Variants in EXOC2 observed in about 807,000 individuals in gnomAD.
The protein encoded by EXOC2 is exocyst complex component 2.
Under a neutral mutation model 131.8 loss-of-function variants are expected in EXOC2, and 70 were observed. The observed-to-expected ratio is 0.53, with a 90% CI of 0.44 to 0.65. The LOEUF is 0.65. Ranked by LOEUF, EXOC2 falls within the 30% of genes least tolerant of loss-of-function variation. The pLI, the probability that EXOC2 is intolerant of heterozygous loss-of-function variation, is 0.00. For synonymous variants in EXOC2, 411 were observed against 398.4 expected (o/e 1.03, Z -0.38); for missense variants, 923 against 1,108.6 (o/e 0.83, Z 2.38).
Position 538,572 on chromosome 6 carries a change from G to A in EXOC2, c.2239-5962C>T, listed in dbSNP as rs115378533. On this transcript the variant is annotated intron_variant, in intron 22 of 27. Coordinates refer to ENST00000230449, the MANE Select transcript of EXOC2 (RefSeq NM_018303.6). ...GAAAGGCAGCAGAGTAGACATGCCT[G>A]AGGGTCCAGTGGCCTTTTAGGGCAG... Among the ~76,000 whole-genome samples, 712 of 152,184 alleles carry A rather than the reference G, an allele frequency of 4.7e-3. 3 individuals are homozygous for A. The highest frequency in any genetic ancestry group is 7.1e-3 in the Admixed American group (108 of 15,290).
chr6:529,954 G>A (rs1006748668), intron 23 of EXOC2, among the ~76,000 whole-genome samples: 4 of 152,150 alleles, frequency 2.6e-5, no homozygotes, highest in South Asian at 2.1e-4. Flanking sequence ...TACATTGTTC[G>A]GTAAGAGTTT....
chr6:658,665 A>ATATT (rs1374453663), intron 1 of EXOC2, among the ~76,000 whole-genome samples: 51 of 115,536 alleles, frequency 4.4e-4, no homozygotes, highest in Admixed American at 7.1e-4. Context: ...ATATATATAT[A>ATATT]TTTTTTTTTT....
intron 13 of EXOC2, among the ~76,000 whole-genome samples, chr6:571,051 C>T (rs1259336278): frequency 2.0e-5 from 3 of 152,172 alleles, no homozygotes; most frequent in Non-Finnish European, 1.5e-5. Context: ...ACTGGAAAGA[C>T]TTATCAGGAC....
chr6:655,872 C>A, intron 1 of EXOC2: 2 of 378,864 alleles, frequency 5.3e-6, no homozygotes, highest in Non-Finnish European at 4.7e-6. Context: ...TGAAGAATAA[C>A]TTTGATAGAA....
chr6:527,899 TTAAA>T (rs2127534220), intron 23 of EXOC2, among the ~76,000 whole-genome samples: 1 of 13,300 alleles, frequency 7.5e-5, no homozygotes, highest in South Asian at 3.4e-3. Context: ...AACAGAAAAC[TTAAA>T]TAATACTTTT....
At chr6:490,045 A>T (rs775996286) in intron 26 of EXOC2, among the ~76,000 whole-genome samples, 7 of 152,186 alleles carry the variant, frequency 4.6e-5, no homozygotes, top group Non-Finnish European at 8.8e-5. Flanking sequence ...CGCTACCTCC[A>T]CCATCAGCTT....
At chr6:648,135 G>A (rs958942519) in intron 1 of EXOC2, among the ~76,000 whole-genome samples, 3 of 152,088 alleles carry the variant, frequency 2.0e-5, no homozygotes, top group African/African-American at 7.2e-5. Flanking sequence ...TGCAGTATCC[G>A]TAGCACATCC....
At chr6:680,624 G>A (rs1330571380) in intron 1 of EXOC2, among the ~76,000 whole-genome samples, 1 of 152,170 alleles carries the variant, frequency 6.6e-6, no homozygotes, top group Non-Finnish European at 1.5e-5. Context: ...GGCAGCAGAG[G>A]GTCTCCTTAA....
intron 23 of EXOC2, among the ~76,000 whole-genome samples, chr6:526,432 A>ATTTTTTTTTTTTTTTTTTTTTTTTT (rs70985804): frequency 1.3e-5 from 1 of 76,004 alleles, no homozygotes; most frequent in Non-Finnish European, 2.4e-5. Flanking sequence ...TTCTTTGTGG[A>ATTTTTTTTTTTTTTTTTTTTTTTTT]TTTTTTTTTT....
At chr6:639,755 C>T (rs1052305179) in intron 1 of EXOC2, among the ~76,000 whole-genome samples, 4 of 152,268 alleles carry the variant, frequency 2.6e-5, no homozygotes, top group African/African-American at 9.6e-5. Context: ...ATGTGGGAGG[C>T]GTACAGGCCA....
At chr6:636,327 C>T (rs781019178) in intron 2 of EXOC2, among the ~76,000 whole-genome samples, 1 of 152,200 alleles carries the variant, frequency 6.6e-6, no homozygotes, top group Non-Finnish European at 1.5e-5. Flanking sequence ...GGTAAGACTA[C>T]TTTTGCAGGA....
intron 22 of EXOC2, among the ~76,000 whole-genome samples, chr6:544,774 T>C (rs1268379242): frequency 1.3e-5 from 2 of 152,188 alleles, no homozygotes; most frequent in Non-Finnish European, 2.9e-5. Flanking sequence ...ATAAAGGAAC[T>C]TCCCTGGACA....
chr6:604,557 G>A (rs139786736), intron 7 of EXOC2, among the ~76,000 whole-genome samples: 131 of 152,196 alleles, frequency 8.6e-4, no homozygotes, highest in African/African-American at 3.1e-3. Flanking sequence ...CTCACTATTT[G>A]TCTTCAGAAT....
intron 7 of EXOC2, among the ~76,000 whole-genome samples, chr6:607,988 A>C (rs191817898): frequency 9.8e-4 from 149 of 152,392 alleles, no homozygotes; most frequent in African/African-American, 3.3e-3. Flanking sequence ...TTTAAAAAAA[A>C]ATCTTTTAAA....
intron 1 of EXOC2, 110 bp from the exon 2 acceptor site, chr6:637,971 C>A: frequency 1.4e-6 from 1 of 723,186 alleles, no homozygotes; most frequent in South Asian, 1.9e-5. Flanking sequence ...TTCTTAAACA[C>A]AGAGTTTTGA....
At chr6:553,619 C>T (rs1404063244) in intron 21 of EXOC2, among the ~76,000 whole-genome samples, 1 of 152,142 alleles carries the variant, frequency 6.6e-6, no homozygotes, top group African/African-American at 2.4e-5. Flanking sequence ...GGAAACCACA[C>T]AGATGCAGAC....
At chr6:535,830 C>G (rs1766409306) in intron 22 of EXOC2, among the ~76,000 whole-genome samples, 1 of 152,034 alleles carries the variant, frequency 6.6e-6, no homozygotes, top group South Asian at 2.1e-4. Flanking sequence ...CCAAACTGAG[C>G]AAGATATTGT....
chr6:564,238 C>T (rs1757849868), intron 15 of EXOC2, 84 bp from the exon 16 acceptor site: 1 of 1,533,286 alleles, frequency 6.5e-7, no homozygotes, highest in Non-Finnish European at 8.8e-7. Flanking sequence ...TATAATCATT[C>T]CTCACGGAGC....
intron 1 of EXOC2, among the ~76,000 whole-genome samples, chr6:691,560 A>C (rs150996614): frequency 6.6e-6 from 1 of 152,250 alleles, no homozygotes; most frequent in African/African-American, 2.4e-5. Context: ...TTAAGAATAC[A>C]GTATATAATA....
Sources: gnomAD v4.1 joint callset for allele counts (sites outside exome capture counted in the v4.1 genomes callset) on GRCh38, gnomAD v4.1.1 for gene constraint, MANE v1.5 for transcripts, NCBI Gene and HGNC (gene_info 2026-07-23, HGNC 2026-07-21) for gene names.